TENM4: variants seen among roughly 807,000 people sequenced by gnomAD.
The protein encoded by TENM4 is teneurin transmembrane protein 4.
TENM4 carries 82 observed loss-of-function variants against 243.3 expected under a neutral mutation model. That is an observed-to-expected ratio of 0.34 (90% CI 0.28 to 0.40). The LOEUF (loss-of-function observed/expected upper bound fraction) is 0.40, where lower values mean the gene tolerates loss of function less well. Ranked by LOEUF, TENM4 falls within the 10% of genes least tolerant of loss-of-function variation. TENM4 has a pLI of 1.00. For synonymous variants in TENM4, 1,412 were observed against 1,456.3 expected, an observed-to-expected ratio of 0.97 and a Z score of 0.69; for missense variants, 3,138 against 3,673.3, an observed-to-expected ratio of 0.85 and a Z score of 3.77.
rs560941063 is a variant in TENM4, at chr11:79,345,274, T to C, written c.-320-47731A>G. Among the ~76,000 whole-genome samples the C allele has an allele frequency of 5.9e-5, 9 of 152,358 alleles. No homozygotes were observed. The East Asian group carries it at 1.4e-3, about 23-fold the overall frequency. Reference sequence around the variant, plus strand: ...TCTAATGTCATGGGCTTTTTCTCAATGGATATTCATTGTTCTTGGGTTTTC... The same window carrying C: ...TCTAATGTCATGGGCTTTTTCTCAACGGATATTCATTGTTCTTGGGTTTTC... On this transcript the variant is annotated intron_variant, in intron 1 of 33. Transcript: ENST00000278550.
At chr11:78,760,408 T>C (rs1490292293) in intron 18 of TENM4, among the ~76,000 whole-genome samples, 1 of 152,210 alleles carries the variant, frequency 6.6e-6, no homozygotes, top group Non-Finnish European at 1.5e-5. Flanking sequence ...TTAACTTCTC[T>C]AAACCTCAGT....
intron 1 of TENM4, among the ~76,000 whole-genome samples, chr11:79,381,576 G>A (rs1329821671): frequency 3.3e-5 from 5 of 150,130 alleles, no homozygotes; most frequent in African/African-American, 1.2e-4. Flanking sequence ...AGGTATTAGG[G>A]TGCAAATGAG....
chr11:79,000,452 GTATA>G (rs35123941), intron 6 of TENM4, among the ~76,000 whole-genome samples: 13 of 151,416 alleles, frequency 8.6e-5, no homozygotes, highest in African/African-American at 3.1e-4. Context: ...TTTATAATAT[GTATA>G]TATATATATG....
chr11:78,839,614 G>T (rs1427881475), intron 12 of TENM4, among the ~76,000 whole-genome samples: 1 of 151,638 alleles, frequency 6.6e-6, no homozygotes, highest in African/African-American at 2.4e-5. Flanking sequence ...TCAGCCTCTT[G>T]TTTCTATGTC....
At chr11:78,854,642 C>T (rs1237916200) in intron 11 of TENM4, among the ~76,000 whole-genome samples, 1 of 152,126 alleles carries the variant, frequency 6.6e-6, no homozygotes, top group Non-Finnish European at 1.5e-5. Flanking sequence ...TTTTGCAATG[C>T]CGGGTGTGTG....
chr11:78,903,670 G>A lies in TENM4; in HGVS notation c.494-147C>T. On this transcript the variant is annotated intron_variant, in intron 6 of 33. Coordinates refer to ENST00000278550, the MANE Select transcript of TENM4 (RefSeq NM_001098816.3). ...GCAGTCAATCAGTAATTACACGACA[G>A]TTGTTTATTGAGCACCTACCATTCT... 8.5e-6 allele frequency: 11 copies of A among 1,291,698 alleles called. No homozygotes were observed. The South Asian group carries it at 1.3e-4, about 15-fold the overall frequency. 80.0% of individuals were successfully genotyped at this position (1,291,698 alleles called of 1,614,324 possible). A position where few individuals can be genotyped will look rare whatever the true frequency, so the allele number is the denominator to read the frequency against.
chr11:79,332,943 T>C (rs1395704870), intron 1 of TENM4, among the ~76,000 whole-genome samples: 1 of 152,164 alleles, frequency 6.6e-6, no homozygotes, highest in East Asian at 1.9e-4. Context: ...TCTGGAGGTA[T>C]ACCCAATTCC....
chr11:78,977,228 T>C (rs536618646), intron 6 of TENM4, among the ~76,000 whole-genome samples: 4 of 152,328 alleles, frequency 2.6e-5, no homozygotes, highest in Non-Finnish European at 4.4e-5. Context: ...ACACCAGTCA[T>C]AGTGGAGTAG....
rs1859375389 is a variant in TENM4, at chr11:79,440,258, C to T, written c.-321+251G>A. Among the ~76,000 whole-genome samples, 2 of 151,664 alleles carry T rather than the reference C, an allele frequency of 1.3e-5. No homozygotes were observed. The highest frequency in any genetic ancestry group is 2.9e-5 in the Non-Finnish European group (2 of 67,890). On this transcript the variant is annotated intron_variant, in intron 1 of 33. Coordinates refer to ENST00000278550, the MANE Select transcript of TENM4 (RefSeq NM_001098816.3). The surrounding 1 kb of genome is among the most constrained non-coding windows in gnomAD (Gnocchi z 4.7). ...CCCTCCCCCAACCCTTGCTCCCAGG[C>T]TCCAGTCCGCGGCGGGCTCCGGGGG...
intron 1 of TENM4, among the ~76,000 whole-genome samples, chr11:79,434,509 A>G (rs559446468): frequency 6.6e-6 from 1 of 152,340 alleles, no homozygotes; most frequent in East Asian, 1.9e-4. Flanking sequence ...GCTGAGGAAC[A>G]TATTTACATA....
intron 3 of TENM4, among the ~76,000 whole-genome samples, chr11:79,211,531 C>T (rs1863955831): frequency 6.6e-6 from 1 of 152,206 alleles, no homozygotes; most frequent in African/African-American, 2.4e-5. Flanking sequence ...CTTATGAACT[C>T]ACGGTGGAGT....
In TENM4 at chr11:79,070,110, C is replaced by G. The variant is rs1349517295; in HGVS notation, c.-65-101G>C. On this transcript the variant is annotated intron_variant, in intron 4 of 33. Transcript: ENST00000278550. Reference sequence around the variant, plus strand: ...CCTTGCAGCCCTGTGGACAGAGAACCCCAGGCAGTGGAGGAGAGGGTACCG... The same window carrying G: ...CCTTGCAGCCCTGTGGACAGAGAACGCCAGGCAGTGGAGGAGAGGGTACCG... 2.2e-6 allele frequency: 3 copies of G among 1,384,094 alleles called. No homozygotes were observed. In the East Asian group the frequency reaches 7.6e-5, roughly 35 times the overall value. The allele number at this position is 1,384,094 out of a possible 1,614,324, so 85.7% of individuals were successfully genotyped here. A position where few individuals can be genotyped will look rare whatever the true frequency, so the allele number is the denominator to read the frequency against.
At chr11:78,690,004 C>A (rs2135728418) in intron 28 of TENM4, among the ~76,000 whole-genome samples, 1 of 152,318 alleles carries the variant, frequency 6.6e-6, no homozygotes. Context: ...GGGCTGCAGG[C>A]AAGGCTGTGG....
intron 1 of TENM4, among the ~76,000 whole-genome samples, chr11:79,322,023 A>T (rs1003980543): frequency 6.6e-6 from 1 of 152,128 alleles, no homozygotes; most frequent in African/African-American, 2.4e-5. Flanking sequence ...ACCTTCTGGG[A>T]CTGGAATTGA....
At chr11:79,366,119 C>A (rs1857671500) in intron 1 of TENM4, among the ~76,000 whole-genome samples, 2 of 152,124 alleles carry the variant, frequency 1.3e-5, no homozygotes, top group Non-Finnish European at 2.9e-5. Context: ...CACTCTGTGG[C>A]CATTTTATAG....
chr11:78,910,725 AC>A (rs2136350251), intron 6 of TENM4, among the ~76,000 whole-genome samples: 1 of 152,340 alleles, frequency 6.6e-6, no homozygotes, highest in Admixed American at 6.5e-5. Context: ...CCACAATGTA[AC>A]CACCAGTCTG....
At chr11:78,701,429 A>G (rs1397024438) in intron 28 of TENM4, 97 bp downstream of exon 28, 8 of 1,401,714 alleles carry the variant, frequency 5.7e-6, no homozygotes, top group Non-Finnish European at 6.7e-6. Context: ...TTTTATCCCA[A>G]ATCCTGAATT....
chr11:79,138,064 G>C (rs1325851619), intron 4 of TENM4, among the ~76,000 whole-genome samples: 1 of 151,548 alleles, frequency 6.6e-6, no homozygotes, highest in Non-Finnish European at 1.5e-5. Flanking sequence ...ACTTAATCTG[G>C]GTGGGCACAA....
intron 6 of TENM4, among the ~76,000 whole-genome samples, chr11:78,982,976 G>A (rs1243622262): frequency 1.3e-5 from 2 of 152,224 alleles, no homozygotes; most frequent in African/African-American, 4.8e-5. Flanking sequence ...GGTCTGAGGA[G>A]TTAGCTCCCT....
Sources: allele counts gnomAD v4.1 joint callset (sites outside exome capture counted in the v4.1 genomes callset), GRCh38; gene constraint gnomAD v4.1.1; non-coding constraint Gnocchi (gnomAD v3.1); transcripts MANE v1.5; gene names NCBI Gene and HGNC (gene_info 2026-07-23, HGNC 2026-07-21).